The following CNTNAP5 variants were observed in gnomAD, a reference collection of about 807,000 sequenced individuals.
The protein encoded by CNTNAP5 is contactin-associated protein-like 5.
A neutral mutation model predicts 150.2 loss-of-function variants in CNTNAP5; 72 were observed. The observed-to-expected ratio is 0.48, with a 90% CI of 0.40 to 0.58. The LOEUF (loss-of-function observed/expected upper bound fraction) is 0.58. Ranked by LOEUF, CNTNAP5 falls within the 20% of genes least tolerant of loss-of-function variation. The pLI is 0.00. For synonymous variants in CNTNAP5, 672 were observed against 619.8 expected, an observed-to-expected ratio of 1.08 and a Z score of -1.25; for missense variants, 1,636 against 1,626.2, an observed-to-expected ratio of 1.01 and a Z score of -0.10.
intron 1 of CNTNAP5, among the ~76,000 whole-genome samples, chr2:124,190,661 G>A (rs1685436887): frequency 3.3e-5 from 5 of 152,164 alleles, no homozygotes; most frequent in Admixed American, 3.3e-4. Flanking sequence ...ATTTTCTGAA[G>A]CTGCTGCTTC....
chr2:124,067,083 G>A (rs1450160474), intron 1 of CNTNAP5, among the ~76,000 whole-genome samples: 1 of 152,140 alleles, frequency 6.6e-6, no homozygotes, highest in African/African-American at 2.4e-5. Flanking sequence ...TCTTCTAGAT[G>A]CTTTGCACTT....
chr2:124,295,976 C>A (rs1369048818), intron 3 of CNTNAP5, among the ~76,000 whole-genome samples: 1 of 152,146 alleles, frequency 6.6e-6, no homozygotes, highest in African/African-American at 2.4e-5. Context: ...TAATCCTCCC[C>A]TGAGCAGTAT....
intron 2 of CNTNAP5, among the ~76,000 whole-genome samples, chr2:124,223,698 A>C (rs2104743212): frequency 6.6e-6 from 1 of 151,986 alleles, no homozygotes. Context: ...TCCCTGACAG[A>C]CAGATATTGA....
intron 13 of CNTNAP5, among the ~76,000 whole-genome samples, chr2:124,739,070 A>G (rs936429404): frequency 2.6e-5 from 4 of 152,208 alleles, no homozygotes; most frequent in Admixed American, 1.3e-4. Flanking sequence ...TGCCTAGTCC[A>G]GCTTGAAATG....
chr2:124,367,248 A>G (rs1690399265), intron 3 of CNTNAP5, among the ~76,000 whole-genome samples: 3 of 152,154 alleles, frequency 2.0e-5, no homozygotes, highest in Admixed American at 2.0e-4. Context: ...GTCCATTCTC[A>G]TGGTGCTGTG....
At chr2:124,359,205 A>G (rs1289151657) in intron 3 of CNTNAP5, among the ~76,000 whole-genome samples, 1 of 149,026 alleles carries the variant, frequency 6.7e-6, no homozygotes, top group African/African-American at 2.5e-5. Flanking sequence ...TTTTTTCTTT[A>G]TTAGTCTTGC....
At chr2:124,362,075 GGT>G (rs1425357220) in intron 3 of CNTNAP5, among the ~76,000 whole-genome samples, 1 of 152,180 alleles carries the variant, frequency 6.6e-6, no homozygotes, top group Non-Finnish European at 1.5e-5. Flanking sequence ...CGATTTTCCC[GGT>G]GCTGTCCGTC....
At chr2:124,597,752 T>C (rs1441590325) in intron 11 of CNTNAP5, among the ~76,000 whole-genome samples, 2 of 151,990 alleles carry the variant, frequency 1.3e-5, no homozygotes, top group Admixed American at 6.6e-5. Flanking sequence ...CCAACTTGGT[T>C]CCATTCTCCG....
At chr2:124,244,316 C>T (rs972013364) in intron 3 of CNTNAP5, among the ~76,000 whole-genome samples, 8 of 152,002 alleles carry the variant, frequency 5.3e-5, no homozygotes, top group Admixed American at 3.9e-4. Flanking sequence ...CCCCTGTGCC[C>T]GGTATCACTA....
chr2:124,464,764 A>G (rs1311331884), intron 6 of CNTNAP5, among the ~76,000 whole-genome samples: 1 of 152,144 alleles, frequency 6.6e-6, no homozygotes, highest in Non-Finnish European at 1.5e-5. Context: ...AATGGCAGAA[A>G]TTCATCCACC....
At chr2:124,832,028 C>A (rs1024122183) in intron 19 of CNTNAP5, among the ~76,000 whole-genome samples, 1 of 151,970 alleles carries the variant, frequency 6.6e-6, no homozygotes, top group African/African-American at 2.4e-5. Context: ...TTAAATTAGT[C>A]TTACTTATAA....
chr2:124,887,582 C>T (rs959618016), intron 21 of CNTNAP5, among the ~76,000 whole-genome samples: 2 of 152,104 alleles, frequency 1.3e-5, no homozygotes, highest in East Asian at 3.9e-4. Context: ...TTTACACATA[C>T]CGCTTAGTGC....
intron 11 of CNTNAP5, among the ~76,000 whole-genome samples, chr2:124,578,082 G>A (rs1696330593): frequency 6.6e-6 from 1 of 150,688 alleles, no homozygotes; most frequent in Admixed American, 6.6e-5. Context: ...GGCCGAGGTG[G>A]GTGGATCACC....
At chr2:124,582,803 G>C (rs77449264) in intron 11 of CNTNAP5, among the ~76,000 whole-genome samples, 1 of 152,086 alleles carries the variant, frequency 6.6e-6, no homozygotes, top group African/African-American at 2.4e-5. Context: ...ACAACATAAT[G>C]TTTTAATTAA....
At chr2:124,269,337 C>T (rs754692079) in intron 3 of CNTNAP5, among the ~76,000 whole-genome samples, 3 of 152,144 alleles carry the variant, frequency 2.0e-5, no homozygotes, top group African/African-American at 7.2e-5. Flanking sequence ...GAAGTGGCCA[C>T]AGGTCCCAAA....
intron 7 of CNTNAP5, among the ~76,000 whole-genome samples, chr2:124,489,239 A>G (rs545270543): frequency 6.6e-6 from 1 of 152,336 alleles, no homozygotes; most frequent in Admixed American, 6.5e-5. Flanking sequence ...CTGTTTGACT[A>G]ACACAACAGA....
chr2:124,226,806 G>A (rs1259321698), intron 2 of CNTNAP5, among the ~76,000 whole-genome samples: 2 of 152,064 alleles, frequency 1.3e-5, no homozygotes, highest in Non-Finnish European at 2.9e-5. Context: ...TGGGGACTCT[G>A]CAGAGTCTCG....
intron 3 of CNTNAP5, among the ~76,000 whole-genome samples, chr2:124,292,991 C>T (rs1296829636): frequency 6.6e-6 from 1 of 151,762 alleles, no homozygotes; most frequent in East Asian, 1.9e-4. Context: ...AGAGACAGAG[C>T]TAAAGTATAA....
At chr2:124,206,031 T>C (rs1685855023) in intron 1 of CNTNAP5, among the ~76,000 whole-genome samples, 1 of 152,218 alleles carries the variant, frequency 6.6e-6, no homozygotes, top group Admixed American at 6.5e-5. Flanking sequence ...GCAGAGTATA[T>C]GTAGAAATCA....
Sources: gnomAD v4.1 joint callset for allele counts (sites outside exome capture counted in the v4.1 genomes callset) on GRCh38, gnomAD v4.1.1 for gene constraint, MANE v1.5 for transcripts, NCBI Gene and HGNC (gene_info 2026-07-23, HGNC 2026-07-21) for gene names.